SYNJ1: variants seen among roughly 807,000 people sequenced by gnomAD.
The protein encoded by SYNJ1 is polyphosphatidylinositol phosphatase SYNJ1.
A neutral mutation model predicts 168.2 loss-of-function variants in SYNJ1; 78 were observed. The observed-to-expected ratio is 0.46, with a 90% CI of 0.39 to 0.56. SYNJ1 has a LOEUF of 0.56. Among genes scored for constraint, SYNJ1 ranks in the 20% least tolerant of loss-of-function variants. The pLI is 0.00. For synonymous variants in SYNJ1, 539 were observed against 548.6 expected, an observed-to-expected ratio of 0.98 and a Z score of 0.24; for missense variants, 1,303 against 1,597.6, an observed-to-expected ratio of 0.82 and a Z score of 3.14.
chr21:32,638,969 T>C lies in SYNJ1; in HGVS notation c.3854A>G (p.Gln1285Arg). 6.2e-7 allele frequency: 1 copy of C among 1,613,822 alleles called. No individual in the cohort carries two copies. The highest frequency in any genetic ancestry group is 1.3e-5 in the African/African-American group (1 of 74,984). Residue 1285 changes from glutamine to arginine, a missense_variant, in exon 31 of 33, where the codon CAA becomes CGA. Physicochemically the swap from Gln to Arg is conservative, Grantham distance 43. This residue lies in a region of SYNJ1 where 383 missense variants were observed against 388.8 expected (regional missense o/e 0.99). Transcript: ENST00000674351. ...GPQPNLETPP[Q>R]PPPRSRSSHS... Reference sequence around the variant, plus strand: ...GGATGACCTGCTTCGAGGTGGTGGTTGTGGTGGGGTTTCCAAATTTGGCTG... The same window carrying C: ...GGATGACCTGCTTCGAGGTGGTGGTCGTGGTGGGGTTTCCAAATTTGGCTG...
chr21:32,684,196 AAAATGTAGC>A (rs1858054947), intron 9 of SYNJ1, 77 bp from the exon 10 acceptor site: 1 of 1,358,596 alleles, frequency 7.4e-7, no homozygotes, highest in South Asian at 1.2e-5. Flanking sequence ...TGAGGTAATT[AAAATGTAGC>A]ATCCACCTTC....
chr21:32,723,653 C>CAAA (rs528269022), intron 2 of SYNJ1, among the ~76,000 whole-genome samples: 1 of 151,908 alleles, frequency 6.6e-6, no homozygotes, highest in Non-Finnish European at 1.5e-5. Context: ...CCCCTATCTA[C>CAAA]AAAAAAATAC....
chr21:32,663,596 C>G lies in SYNJ1; in HGVS notation c.2304+1317G>C, dbSNP rs114700071. ...AAGACAGGCAAACTCCTGGGTTTCC[C>G]TGTCTATGCTGCCCGAGAAAAGAGA... is the stretch of plus-strand genomic sequence containing the variant. On this transcript the variant is annotated intron_variant, in intron 18 of 32. Transcript: ENST00000674351. Among the ~76,000 whole-genome samples the G allele has an allele frequency of 9.5e-3, 1,442 of 152,234 alleles. 26 individuals carry two copies. Among genetic ancestry groups the G allele is most frequent in the African/African-American group, 0.033 (1,389 of 41,512 alleles).
chr21:32,723,174 C>T (rs567788219), intron 2 of SYNJ1, among the ~76,000 whole-genome samples: 11 of 152,324 alleles, frequency 7.2e-5, no homozygotes, highest in African/African-American at 2.6e-4. Flanking sequence ...TTAGTGAACA[C>T]GTGGGTCCCT....
chr21:32,632,567 G>T (rs2039381382), intron 32 of SYNJ1, among the ~76,000 whole-genome samples: 1 of 151,952 alleles, frequency 6.6e-6, no homozygotes, highest in African/African-American at 2.4e-5. Flanking sequence ...TTGTATTTTA[G>T]TACAGATGGG....
intron 26 of SYNJ1, among the ~76,000 whole-genome samples, 198 bp downstream of exon 26, chr21:32,644,770 T>C (rs2039991526): frequency 6.6e-6 from 1 of 152,150 alleles, no homozygotes; most frequent in Admixed American, 6.5e-5. Context: ...CGACCACATT[T>C]ATTAAAAAAA....
rs1278581958 is a variant in SYNJ1 at position 32,666,106 on chromosome 21, C to T, written c.1982G>A (p.Gly661Glu). ...RDVAVDTVKT[G>E]MGGATGNKGA... ...CTTATTTCCAGTTGCACCTCCCATT[C>T]CAGTCTTCACAGTATCAACTGCAAC... is the stretch of plus-strand genomic sequence containing the variant. Residue 661 changes from glycine to glutamate, a missense_variant, in exon 17 of 33, where the codon GGA becomes GAA. Physicochemically the swap from Gly to Glu is moderately conservative, Grantham distance 98 (BLOSUM62 -2). Transcript: ENST00000674351. The T allele has an allele frequency of 6.2e-7, 1 of 1,609,790 alleles. No homozygotes were observed.
intron 18 of SYNJ1, among the ~76,000 whole-genome samples, chr21:32,661,972 C>T (rs1170669975): frequency 2.0e-5 from 3 of 152,322 alleles, no homozygotes; most frequent in East Asian, 3.9e-4. Context: ...CAAGTGATCG[C>T]ATGTGGATCA....
intron 32 of SYNJ1, among the ~76,000 whole-genome samples, chr21:32,633,535 C>CA (rs541408094): frequency 5.3e-5 from 8 of 150,086 alleles, no homozygotes; most frequent in Admixed American, 6.6e-5. Flanking sequence ...TACGATAGGG[C>CA]AAAAAAAAAT....
At chr21:32,670,166 G>C in intron 15 of SYNJ1, 122 bp downstream of exon 15, 2 of 722,506 alleles carry the variant, frequency 2.8e-6, no homozygotes, top group Middle Eastern at 5.1e-4. Context: ...CTCTTTTACA[G>C]TTTTACGAGC....
At chr21:32,687,960 T>C (rs1305500465) in intron 7 of SYNJ1, among the ~76,000 whole-genome samples, 1 of 152,096 alleles carries the variant, frequency 6.6e-6, no homozygotes, top group Non-Finnish European at 1.5e-5. Context: ...CATTCTTTTT[T>C]ATTTTTTAAG....
intron 17 of SYNJ1, among the ~76,000 whole-genome samples, chr21:32,665,432 A>G (rs996434340): frequency 3.3e-5 from 5 of 152,238 alleles, no homozygotes; most frequent in African/African-American, 4.8e-5. Flanking sequence ...ACAAATGCAC[A>G]TCTGACTGCT....
chr21:32,631,412 G>A lies in SYNJ1; in HGVS notation c.*393C>T, dbSNP rs140696929. 9.9e-6 allele frequency: 16 copies of A among 1,613,992 alleles called. No individual in the cohort carries two copies. Among genetic ancestry groups the A allele is most frequent in the Admixed American group, 6.7e-5 (4 of 59,982 alleles). On this transcript the variant is annotated 3_prime_UTR_variant, in exon 33 of 33. Transcript: ENST00000674351. ...GAGAAGGGAAAGGACTGATAGTAAC[G>A]GGCTCTTCTTTGGAGAACCATGAAG... is the stretch of plus-strand genomic sequence containing the variant.
chr21:32,694,040 T>C lies in SYNJ1; in HGVS notation c.789+188A>G, dbSNP rs531361636. Among the ~76,000 whole-genome samples the C allele has an allele frequency of 9.9e-5, 15 of 152,246 alleles. No individual in the cohort carries two copies. In the South Asian group the frequency reaches 3.1e-3, roughly 32 times the overall value. On this transcript the variant is annotated intron_variant, in intron 6 of 32. Transcript: ENST00000674351. ...TTTCAATGGCTATTTGAAAGAGCATTAAAAGAAAAAATATCTAAGATAATT... is the reference window on the plus strand; with the variant it reads ...TTTCAATGGCTATTTGAAAGAGCATCAAAAGAAAAAATATCTAAGATAATT...
chr21:32,720,893 T>C (rs2043196126), intron 2 of SYNJ1, among the ~76,000 whole-genome samples: 1 of 152,204 alleles, frequency 6.6e-6, no homozygotes, highest in Non-Finnish European at 1.5e-5. Context: ...ATCATTCACT[T>C]TATTGAAGCC....
At chr21:32,717,086 A>G (rs1399974450) in intron 2 of SYNJ1, among the ~76,000 whole-genome samples, 1 of 151,980 alleles carries the variant, frequency 6.6e-6, no homozygotes, top group Admixed American at 6.6e-5. Context: ...CAGCCTCTCG[A>G]GTAGCTGGGA....
intron 26 of SYNJ1, among the ~76,000 whole-genome samples, chr21:32,644,312 CAA>C (rs774780096): frequency 2.6e-4 from 39 of 152,330 alleles, no homozygotes; most frequent in Middle Eastern, 3.4e-3. Flanking sequence ...TACACACAGG[CAA>C]AGTCAGTCTG....
intron 31 of SYNJ1, among the ~76,000 whole-genome samples, chr21:32,637,551 G>T (rs2039632188): frequency 6.6e-6 from 1 of 151,706 alleles, no homozygotes; most frequent in Non-Finnish European, 1.5e-5. Flanking sequence ...TGGGACTACA[G>T]GCGCACACCA....
At chr21:32,670,145 T>C (rs2041131629) in intron 15 of SYNJ1, 143 bp downstream of exon 15, 1 of 599,402 alleles carries the variant, frequency 1.7e-6, no homozygotes, top group East Asian at 3.0e-5. Context: ...GACCCAAAAG[T>C]ATGAGAAATG....
Sources: allele counts gnomAD v4.1 joint callset (sites outside exome capture counted in the v4.1 genomes callset), GRCh38; gene constraint gnomAD v4.1.1; regional missense constraint gnomAD v4.1.1; transcripts MANE v1.5; gene names NCBI Gene and HGNC (gene_info 2026-07-23, HGNC 2026-07-21).